AGBL4: variants seen among roughly 807,000 people sequenced by gnomAD.
AGBL4 encodes AGBL carboxypeptidase 4.
Under a neutral mutation model 66.4 loss-of-function variants are expected in AGBL4, and 58 were observed. The observed-to-expected ratio is 0.87, with a 90% CI of 0.71 to 1.09. AGBL4 has a LOEUF of 1.09. Ranked by LOEUF, AGBL4 falls within the 50% of genes least tolerant of loss-of-function variation. The pLI, the probability that AGBL4 is intolerant of heterozygous loss-of-function variation, is 0.00. For missense variants in AGBL4, 579 were observed against 631.0 expected, an observed-to-expected ratio of 0.92 and a Z score of 0.88; for synonymous variants, 234 against 222.9, an observed-to-expected ratio of 1.05 and a Z score of -0.44.
At chr1:49,906,001 T>C (rs979405284) in intron 1 of AGBL4, among the ~76,000 whole-genome samples, 1 of 151,940 alleles carries the variant, frequency 6.6e-6, no homozygotes, top group Non-Finnish European at 1.5e-5. Flanking sequence ...GATTTTATAA[T>C]AATTAACTAA....
At chr1:49,858,365 C>A (rs1009968603) in intron 1 of AGBL4, among the ~76,000 whole-genome samples, 9 of 152,006 alleles carry the variant, frequency 5.9e-5, no homozygotes, top group African/African-American at 1.9e-4. Flanking sequence ...ACCATACAAT[C>A]CAGCAATTCC....
intron 7 of AGBL4, among the ~76,000 whole-genome samples, chr1:48,659,889 CT>C (rs1646079861): frequency 6.6e-6 from 1 of 152,232 alleles, no homozygotes; most frequent in Admixed American, 6.5e-5. Flanking sequence ...TGGATATGAA[CT>C]GTGTCAGTCT....
chr1:48,664,584 C>T (rs1214382305), intron 6 of AGBL4, among the ~76,000 whole-genome samples: 2 of 152,050 alleles, frequency 1.3e-5, no homozygotes, highest in East Asian at 3.8e-4. Flanking sequence ...CAACAAAATC[C>T]AGAGAGTCAA....
chr1:49,339,715 A>AT (rs1003203218), intron 3 of AGBL4, among the ~76,000 whole-genome samples: 1 of 152,146 alleles, frequency 6.6e-6, no homozygotes, highest in African/African-American at 2.4e-5. Flanking sequence ...TCTCTATAAC[A>AT]TTTTTATTAT....
chr1:49,393,313 CAGTT>C (rs1340048576), intron 3 of AGBL4, among the ~76,000 whole-genome samples: 4 of 152,108 alleles, frequency 2.6e-5, no homozygotes, highest in Non-Finnish European at 5.9e-5. Flanking sequence ...TTTTAGTTAT[CAGTT>C]AGGCCAATTG....
chr1:48,995,305 A>G (rs1043061893), intron 5 of AGBL4, among the ~76,000 whole-genome samples: 23 of 152,274 alleles, frequency 1.5e-4, no homozygotes, highest in Admixed American at 7.2e-4. Flanking sequence ...CACAGCACAA[A>G]TTATACTGTG....
chr1:49,929,690 T>C (rs1302300790), intron 1 of AGBL4, among the ~76,000 whole-genome samples: 1 of 151,722 alleles, frequency 6.6e-6, no homozygotes, highest in Non-Finnish European at 1.5e-5. Flanking sequence ...AGCTGGAAAC[T>C]GGGGTCTACC....
chr1:48,767,485 TA>T (rs1254146119), intron 6 of AGBL4, among the ~76,000 whole-genome samples: 2 of 152,158 alleles, frequency 1.3e-5, no homozygotes, highest in African/African-American at 2.4e-5. Context: ...GCAAGACGGA[TA>T]AGACGTGAGG....
intron 1 of AGBL4, among the ~76,000 whole-genome samples, chr1:49,978,028 G>A (rs890639106): frequency 1.5e-4 from 23 of 152,138 alleles, no homozygotes; most frequent in Non-Finnish European, 2.4e-4. Context: ...GATTTTCAAC[G>A]TGCCTGAAAA....
At chr1:48,782,860 C>A (rs867071391) in intron 6 of AGBL4, among the ~76,000 whole-genome samples, 2 of 152,158 alleles carry the variant, frequency 1.3e-5, no homozygotes, top group Non-Finnish European at 2.9e-5. Flanking sequence ...CATGTATCCA[C>A]CATTATGGTA....
intron 4 of AGBL4, among the ~76,000 whole-genome samples, chr1:49,140,797 A>C (rs560374917): frequency 7.9e-4 from 120 of 152,214 alleles, no homozygotes; most frequent in African/African-American, 2.7e-3. Context: ...CTTTTCTTTT[A>C]TTTTTAGGCT....
intron 6 of AGBL4, among the ~76,000 whole-genome samples, chr1:48,675,298 A>T (rs1646347169): frequency 6.6e-6 from 1 of 152,166 alleles, no homozygotes; most frequent in African/African-American, 2.4e-5. Flanking sequence ...CCCCCTTGAC[A>T]GAAGCGGAGC....
chr1:49,827,620 T>C (rs556926369), intron 2 of AGBL4, among the ~76,000 whole-genome samples: 4 of 152,350 alleles, frequency 2.6e-5, no homozygotes, highest in Non-Finnish European at 4.4e-5. Context: ...TGGTCTGCAA[T>C]GTGTTTGTTG....
intron 8 of AGBL4, 136 bp downstream of exon 8, chr1:48,653,201 C>T: frequency 3.1e-6 from 2 of 640,524 alleles, no homozygotes; most frequent in Non-Finnish European, 2.6e-6. Context: ...TCTCAAGAGC[C>T]AGGGTGAAAC....
chr1:48,724,696 A>C (rs1167316625), intron 6 of AGBL4, among the ~76,000 whole-genome samples: 1 of 152,216 alleles, frequency 6.6e-6, no homozygotes, highest in Non-Finnish European at 1.5e-5. Context: ...TTTGGCAATA[A>C]TTTCTATAAA....
intron 4 of AGBL4, among the ~76,000 whole-genome samples, chr1:49,067,164 C>G (rs1644506674): frequency 6.6e-6 from 1 of 152,090 alleles, no homozygotes; most frequent in Non-Finnish European, 1.5e-5. Flanking sequence ...TTAGCAGACC[C>G]ATTTGAGTTG....
chr1:49,214,030 T>C (rs961546916), intron 4 of AGBL4, among the ~76,000 whole-genome samples: 1 of 152,124 alleles, frequency 6.6e-6, no homozygotes, highest in Non-Finnish European at 1.5e-5. Context: ...AGCAATAATT[T>C]ATTAAGCTCC....
chr1:48,625,090 C>CTCCTTCCTTCCTTCCTTCCT lies in AGBL4; in HGVS notation c.951+9383_951+9402dup, dbSNP rs66798647. Among the ~76,000 whole-genome samples the CTCCTTCCTTCCTTCCTTCCT allele has an allele frequency of 3.3e-3, 463 of 140,464 alleles. 2 individuals are homozygous for CTCCTTCCTTCCTTCCTTCCT. The highest frequency in any genetic ancestry group is 0.011 in the African/African-American group (400 of 36,088). The allele number at this position is 140,464 out of a possible 152,430, so 92.1% of individuals were successfully genotyped here. A position where few individuals can be genotyped will look rare whatever the true frequency, so the allele number is the denominator to read the frequency against. On this transcript the variant is annotated intron_variant, in intron 9 of 13. Coordinates refer to ENST00000371839, the MANE Select transcript of AGBL4 (RefSeq NM_032785.4). ...TACCCAGCTAATTCATTTTTTCTTT[C>CTCCTTCCTTCCTTCCTTCCT]TCCTTCCTTCCTTCCTTCCTTCCTT...
intron 3 of AGBL4, among the ~76,000 whole-genome samples, chr1:49,583,173 A>C (rs906082526): frequency 1.3e-5 from 2 of 152,130 alleles, no homozygotes; most frequent in African/African-American, 4.8e-5. Flanking sequence ...ACAACTCTTG[A>C]TGGGCTCCTG....
Sources: gnomAD v4.1 joint callset for allele counts (sites outside exome capture counted in the v4.1 genomes callset) on GRCh38, gnomAD v4.1.1 for gene constraint, MANE v1.5 for transcripts, NCBI Gene and HGNC (gene_info 2026-07-23, HGNC 2026-07-21) for gene names.